The following EVC variants were observed in gnomAD, a reference collection of about 807,000 sequenced individuals.
EVC encodes EvC ciliary complex subunit 1.
A neutral mutation model predicts 118.9 loss-of-function variants in EVC; 116 were observed. That is an observed-to-expected ratio of 0.98 (90% CI 0.84 to 1.14). The LOEUF is 1.14. Ranked by LOEUF, EVC falls within the 50% of genes most tolerant of loss-of-function variation. The pLI is 0.00. For synonymous variants in EVC, 619 were observed against 534.7 expected, an observed-to-expected ratio of 1.16 and a Z score of -2.18; for missense variants, 1,401 against 1,246.4, an observed-to-expected ratio of 1.12 and a Z score of -1.87.
In EVC at chr4:5,731,600, T is replaced by G; in HGVS notation, c.560T>G (p.Phe187Cys). ...CACTCGGCCACCAGCGATGACAGGT[T>G]TCTCAGCCGCACCTTCCTCCGGGTG... ...SVHSATSDDRFLSRTFLRVNA... is the reference protein window; with the variant it reads ...SVHSATSDDRCLSRTFLRVNA... Residue 187 changes from phenylalanine (F) to cysteine (C), a missense_variant, in exon 4 of 21, where the codon TTT (phenylalanine) becomes TGT (cysteine). Transcript: ENST00000264956. This position sits in a 1 kb window ranked among gnomAD's most constrained non-coding sequence, Gnocchi z 5.6. 6.2e-7 allele frequency: 1 copy of G among 1,614,076 alleles called. No homozygotes were observed. The highest frequency in any genetic ancestry group is 8.5e-7 in the Non-Finnish European group (1 of 1,180,000).
At chr4:5,758,411 G>A (rs889795706) in intron 11 of EVC, 4 of 344,702 alleles carry the variant, frequency 1.2e-5, no homozygotes, top group African/African-American at 2.1e-5. Context: ...TTGAGTATTT[G>A]ATTATTTAAT....
rs773566770 is a variant in EVC at position 5,748,297 on chromosome 4, G to T, written c.1089G>T (p.Leu363=). Residue 363 remains leucine (L), a synonymous_variant, in exon 8 of 21, where the codon CTG becomes CTT. Transcript: ENST00000264956. ...GGCTATTGTGCGATTCTCAGGAGCT[G>T]CAGGCTCTGGTAATGCTGGAGGGGG... ...AEGLLCDSQE[L]QALDALERTM... 4 of 1,613,982 alleles carry T rather than the reference G, an allele frequency of 2.5e-6. No homozygotes were observed. The Admixed American group carries it at 5.0e-5, about 20-fold the overall frequency.
chr4:5,779,510 A>G (rs1400329932), intron 11 of EVC, among the ~76,000 whole-genome samples: 1 of 148,542 alleles, frequency 6.7e-6, no homozygotes, highest in Non-Finnish European at 1.5e-5. Context: ...ATCCTCTTTT[A>G]TTTCATTGAG....
At position 5,743,282 on chromosome 4, in the gene EVC, A is replaced by G. The variant is rs537293244; in HGVS notation, c.801+1468A>G. Among the ~76,000 whole-genome samples the G allele has an allele frequency of 6.6e-6, 1 of 152,242 alleles. No individual in the cohort carries two copies. Among genetic ancestry groups the G allele is most frequent in the African/African-American group, 2.4e-5 (1 of 41,552 alleles). On this transcript the variant is annotated intron_variant, in intron 6 of 20. Coordinates refer to ENST00000264956, the MANE Select transcript of EVC (RefSeq NM_153717.3). This position sits in a 1 kb window ranked among gnomAD's most constrained non-coding sequence, Gnocchi z 4.7. ...TCCCATTTTGATCAGCAGGGTTGTG[A>G]TCAGAAAACAAGTCCTGCCAGTCTC...
At chr4:5,773,635 T>C (rs1427776026) in intron 11 of EVC, among the ~76,000 whole-genome samples, 1 of 152,118 alleles carries the variant, frequency 6.6e-6, no homozygotes, top group African/African-American at 2.4e-5. Context: ...CCGGGGTGTT[T>C]TGTGGGATCC....
chr4:5,721,560 A>G (rs1724965799), intron 2 of EVC, among the ~76,000 whole-genome samples: 2 of 152,222 alleles, frequency 1.3e-5, no homozygotes, highest in African/African-American at 4.8e-5. Flanking sequence ...CTTTGATGCC[A>G]TGAAAATGTT....
intron 3 of EVC, among the ~76,000 whole-genome samples, chr4:5,730,685 G>C (rs1726656370): frequency 6.6e-6 from 1 of 152,030 alleles, no homozygotes; most frequent in Non-Finnish European, 1.5e-5. Context: ...GCCAGTATGG[G>C]GTCCAGGATC....
In EVC at chr4:5,765,197, A is replaced by C. The variant is rs1173806585; in HGVS notation, c.1563+8835A>C. Among the ~76,000 whole-genome samples the C allele has an allele frequency of 1.1e-4, 13 of 117,038 alleles. 2 individuals are homozygous for C. Among genetic ancestry groups the C allele is most frequent in the Admixed American group, 1.0e-3 (13 of 12,892 alleles). 76.8% of individuals were successfully genotyped at this position (117,038 alleles called of 152,430 possible). A position where few individuals can be genotyped will look rare whatever the true frequency, so the allele number is the denominator to read the frequency against. Reference sequence around the variant, plus strand: ...TTCAGGAGCAGGTTGTTCAGTTTCCATGTAGTTGAGCGGTTTTGAGTGAGA... The same window carrying C: ...TTCAGGAGCAGGTTGTTCAGTTTCCCTGTAGTTGAGCGGTTTTGAGTGAGA... On this transcript the variant is annotated intron_variant, in intron 11 of 20. Coordinates refer to ENST00000264956, the MANE Select transcript of EVC (RefSeq NM_153717.3).
At chr4:5,745,771 A>G (rs1268639286) in intron 7 of EVC, among the ~76,000 whole-genome samples, 2 of 152,154 alleles carry the variant, frequency 1.3e-5, no homozygotes, top group Admixed American at 6.5e-5. Context: ...TTCATATATT[A>G]TGTATTAAAC....
In EVC at chr4:5,729,311, G is replaced by A. The variant is rs1428753157; in HGVS notation, c.305G>A (p.Cys102Tyr). 4.3e-6 allele frequency: 7 copies of A among 1,613,994 alleles called. No homozygotes were observed. Among genetic ancestry groups the A allele is most frequent in the Non-Finnish European group, 5.9e-6 (7 of 1,180,008 alleles). Residue 102 changes from cysteine (C) to tyrosine (Y), a missense_variant, in exon 3 of 21, where the codon TGT becomes TAT. Cys to Tyr is a radical substitution (Grantham distance 194, BLOSUM62 -2). Transcript: ENST00000264956. ...MSKDKEAVDE[C>Y]EPPSNSNITA... is the part of the protein sequence containing the mutation. Reference sequence around the variant, plus strand: ...GTTTGTGTCTTTCCCTCCCAGGAATGTGAGCCGCCTTCCAACAGCAATATC... The same window carrying A: ...GTTTGTGTCTTTCCCTCCCAGGAATATGAGCCGCCTTCCAACAGCAATATC...
intron 13 of EVC, among the ~76,000 whole-genome samples, chr4:5,794,248 TA>T (rs1475197093): frequency 2.6e-4 from 8 of 30,770 alleles, no homozygotes; most frequent in Non-Finnish European, 5.6e-4. Flanking sequence ...TTTATATATA[TA>T]TTTATATGTA....
At position 5,711,305 on chromosome 4, in the gene EVC, G is replaced by A. The variant is rs1301315152; in HGVS notation, c.-76G>A. The A allele has an allele frequency of 5.2e-6, 5 of 970,036 alleles. No homozygotes were observed. Among genetic ancestry groups the A allele is most frequent in the African/African-American group, 3.5e-5 (2 of 56,920 alleles). 60.1% of individuals were successfully genotyped at this position (970,036 alleles called of 1,614,324 possible). A position where few individuals can be genotyped will look rare whatever the true frequency, so the allele number is the denominator to read the frequency against. On this transcript the variant is annotated 5_prime_UTR_variant, in exon 1 of 21. Coordinates refer to ENST00000264956, the MANE Select transcript of EVC (RefSeq NM_153717.3). Reference sequence around the variant, plus strand: ...CGCCCCTGGCCCGCCCGGGCTCCAAGTCCCGCGTCGCCGCCCTGGCGGGGA... The same window carrying A: ...CGCCCCTGGCCCGCCCGGGCTCCAAATCCCGCGTCGCCGCCCTGGCGGGGA...
chr4:5,825,696 T>C, the EVC span: 1 of 1,600,034 alleles, frequency 6.2e-7, no homozygotes, highest in Non-Finnish European at 8.5e-7. This position sits in a 1 kb window ranked among gnomAD's most constrained non-coding sequence, Gnocchi z 4.4. Flanking sequence ...TGATCGACAC[T>C]GTGCATGTGT....
At chr4:5,815,791 C>A (rs1267171038), downstream of EVC, among the ~76,000 whole-genome samples, 1 of 152,138 alleles carries the variant, frequency 6.6e-6, no homozygotes, top group African/African-American at 2.4e-5. Context: ...CACCTGACGT[C>A]CCCCCTGGAA....
chr4:5,771,532 T>A, intron 11 of EVC, among the ~76,000 whole-genome samples: 1 of 152,200 alleles, frequency 6.6e-6, no homozygotes, highest in Non-Finnish European at 1.5e-5. Context: ...TTCCAGGGAT[T>A]GGGACGTGGA....
chr4:5,745,188 TC>T lies in EVC; in HGVS notation c.802-15del, dbSNP rs369153323. On this transcript the variant is annotated splice_polypyrimidine_tract_variant and intron_variant, in intron 6 of 20. Transcript: ENST00000264956. Reference sequence around the variant, plus strand: ...TTCTTTGTTTATTTGCTTTCTTTTTTCTTCTTCTTCTTCAGGATTTGGAGGA... The same window carrying T: ...TTCTTTGTTTATTTGCTTTCTTTTTTTTCTTCTTCTTCAGGATTTGGAGGA... 118,246 of 1,603,326 alleles carry T rather than the reference TC, an allele frequency of 0.074. 5,455 individuals carry two copies. The highest frequency in any genetic ancestry group is 0.21 in the African/African-American group (15,992 of 74,402).
intron 11 of EVC, among the ~76,000 whole-genome samples, chr4:5,769,181 C>T (rs534094099): frequency 5.3e-5 from 8 of 152,194 alleles, no homozygotes; most frequent in Non-Finnish European, 1.0e-4. Context: ...ACAGTTATGG[C>T]GGAAGGCAAA....
chr4:5,742,877 G>C lies in EVC; in HGVS notation c.801+1063G>C, dbSNP rs960186116. On this transcript the variant is annotated intron_variant, in intron 6 of 20. Coordinates refer to ENST00000264956, the MANE Select transcript of EVC (RefSeq NM_153717.3). The surrounding 1 kb of genome is among the most constrained non-coding windows in gnomAD (Gnocchi z 5.2). ...GGAGAGCCAGTGGTGTTAGACAGTAGTGTTTTAGTGAATGGTGCCACTCCT... is the reference window on the plus strand; with the variant it reads ...GGAGAGCCAGTGGTGTTAGACAGTACTGTTTTAGTGAATGGTGCCACTCCT... Among the ~76,000 whole-genome samples the C allele has an allele frequency of 3.3e-5, 5 of 152,254 alleles. No homozygotes were observed. Among genetic ancestry groups the C allele is most frequent in the African/African-American group, 1.2e-4 (5 of 41,470 alleles).
chr4:5,805,288 G>A (rs958408033), intron 17 of EVC, among the ~76,000 whole-genome samples: 1 of 152,160 alleles, frequency 6.6e-6, no homozygotes, highest in African/African-American at 2.4e-5. Context: ...CACAATGAGT[G>A]CAAATGTAAC....
Sources: allele counts gnomAD v4.1 joint callset (sites outside exome capture counted in the v4.1 genomes callset), GRCh38; gene constraint gnomAD v4.1.1; non-coding constraint Gnocchi (gnomAD v3.1); transcripts MANE v1.5; gene names NCBI Gene and HGNC (gene_info 2026-07-23, HGNC 2026-07-21).